TBC1D9: variants seen among roughly 807,000 people sequenced by gnomAD.
TBC1D9 encodes TBC1 domain family member 9A.
In TBC1D9, 63 loss-of-function variants were observed where a neutral mutation model predicts 132.0. The observed-to-expected ratio is 0.48, with a 90% CI of 0.39 to 0.59. TBC1D9 has a LOEUF of 0.59. Among genes scored for constraint, TBC1D9 ranks in the 20% least tolerant of loss-of-function variants. TBC1D9 has a pLI of 0.00. For synonymous variants in TBC1D9, 610 were observed against 609.9 expected (o/e 1.00, Z 0.00); for missense variants, 1,261 against 1,592.7 (o/e 0.79, Z 3.54).
In TBC1D9 at chr4:140,659,617, A is replaced by G. The variant is rs2110999012; in HGVS notation, c.1892T>C (p.Leu631Pro). 1 of 1,603,334 alleles carries G rather than the reference A, an allele frequency of 6.2e-7. No individual in the cohort carries two copies. Among genetic ancestry groups the G allele is most frequent in the Non-Finnish European group, 8.5e-7 (1 of 1,174,996 alleles). Reference protein sequence around the residue: ...WLLVALCERMLPDYYNTRVVG... With the variant: ...WLLVALCERMPPDYYNTRVVG... ...AACTCTGGTGTTGTAGTAATCTGGG[A>G]GCATGCGCTCACACAAAGCCACAAG... Residue 631 changes from leucine (L) to proline (P), a missense_variant, in exon 11 of 21, where the codon CTC becomes CCC. This residue lies in a region of TBC1D9 where 93 missense variants were observed against 169.2 expected (regional missense o/e 0.55). Transcript: ENST00000442267.
intron 9 of TBC1D9, among the ~76,000 whole-genome samples, 175 bp from the exon 10 acceptor site, chr4:140,662,282 C>CTG (rs772260936): frequency 5.3e-5 from 8 of 152,164 alleles, no homozygotes; most frequent in Non-Finnish European, 8.8e-5. Flanking sequence ...GTGAATTTGC[C>CTG]TGTGGCCTCC....
At chr4:140,721,882 C>T (rs945646667) in intron 1 of TBC1D9, among the ~76,000 whole-genome samples, 1 of 152,120 alleles carries the variant, frequency 6.6e-6, no homozygotes, top group Non-Finnish European at 1.5e-5. Flanking sequence ...GCATGTAGTC[C>T]TTCTACCTGC....
chr4:140,680,761 C>G (rs904998725), intron 3 of TBC1D9, among the ~76,000 whole-genome samples: 3 of 152,004 alleles, frequency 2.0e-5, no homozygotes, highest in Non-Finnish European at 2.9e-5. Context: ...TCTCTGTAGC[C>G]CAAGGATAGA....
chr4:140,697,361 G>A (rs573147201), intron 2 of TBC1D9, among the ~76,000 whole-genome samples: 3 of 152,152 alleles, frequency 2.0e-5, no homozygotes, highest in South Asian at 2.1e-4. Flanking sequence ...CAGCCTAGGC[G>A]ACAGAGTAAG....
chr4:140,668,419 T>A (rs2111007565), intron 9 of TBC1D9, among the ~76,000 whole-genome samples: 1 of 152,304 alleles, frequency 6.6e-6, no homozygotes, highest in South Asian at 2.1e-4. Flanking sequence ...TCTGGCCTCA[T>A]CTTTATGGTT....
At chr4:140,645,320 C>A in intron 13 of TBC1D9, 1 of 505,374 alleles carries the variant, frequency 2.0e-6, no homozygotes, top group East Asian at 5.6e-5. Flanking sequence ...CAGCCCAGGC[C>A]CCAGCCAGCC....
At chr4:140,642,863 C>A (rs928633203) in intron 13 of TBC1D9, 2 of 574,200 alleles carry the variant, frequency 3.5e-6, no homozygotes, top group African/African-American at 1.9e-5. Context: ...TCTGTTTCCA[C>A]GGCCTGCGTG....
At chr4:140,627,994 C>T (rs977239225) in intron 17 of TBC1D9, among the ~76,000 whole-genome samples, 5 of 152,304 alleles carry the variant, frequency 3.3e-5, no homozygotes, top group East Asian at 3.9e-4. Flanking sequence ...AATGTTCCTA[C>T]GCTCCTTTTC....
chr4:140,664,416 A>T (rs927928228), intron 9 of TBC1D9, among the ~76,000 whole-genome samples: 4 of 152,226 alleles, frequency 2.6e-5, no homozygotes, highest in Admixed American at 6.5e-5. Flanking sequence ...AAAACTCCCA[A>T]ACTGATCTAC....
In TBC1D9 at chr4:140,622,798, G is replaced by A. The variant is rs368197536; in HGVS notation, c.3198C>T (p.Val1066=). 9 of 1,601,820 alleles carry A rather than the reference G, an allele frequency of 5.6e-6. No individual in the cohort carries two copies. The African/African-American group carries it at 1.1e-4, about 19-fold the overall frequency. Residue 1066 remains valine (V), a synonymous_variant, in exon 21 of 21, where the codon GTC becomes GTT. Transcript: ENST00000442267. The part of the protein sequence containing the change: ...VTSLLLEIGE[V]GKLFVAQPAK... ...CAGGCTGGGCCACGAACAACTTGCC[G>A]ACCTCCCCAATCTCCAGCAGGAGGC...
intron 2 of TBC1D9, among the ~76,000 whole-genome samples, chr4:140,687,343 CATATATATATAT>C (rs200090051): frequency 0.035 from 1,331 of 37,566 alleles, 21 homozygotes; most frequent in African/African-American, 0.049. Flanking sequence ...GTGTGTGTGT[CATATATATATAT>C]ATATATATAT....
At chr4:140,659,218 C>CT (rs946264664) in intron 11 of TBC1D9, among the ~76,000 whole-genome samples, 5 of 152,186 alleles carry the variant, frequency 3.3e-5, no homozygotes, top group East Asian at 1.9e-4. Context: ...CCCAGATAGC[C>CT]TTTTTTTGGC....
intron 1 of TBC1D9, among the ~76,000 whole-genome samples, chr4:140,718,663 A>C (rs1450974067): frequency 6.6e-6 from 1 of 152,202 alleles, no homozygotes; most frequent in Non-Finnish European, 1.5e-5. Flanking sequence ...ATTTAACTTA[A>C]ATCCGAAAGA....
At chr4:140,687,394 AT>A (rs1737806144) in intron 2 of TBC1D9, among the ~76,000 whole-genome samples, 1 of 110,766 alleles carries the variant, frequency 9.0e-6, no homozygotes, top group African/African-American at 3.4e-5. Context: ...ATATATATAT[AT>A]AAACATATAG....
Position 140,707,713 on chromosome 4 carries a change from C to G in TBC1D9, c.131-6099G>C, listed in dbSNP as rs547350415. Reference sequence around the variant, plus strand: ...ATAACTTTTACACTTCTTTAATGAGCCTTGTTTGTCTGCTTGTTACTTTTT... The same window carrying G: ...ATAACTTTTACACTTCTTTAATGAGGCTTGTTTGTCTGCTTGTTACTTTTT... On this transcript the variant is annotated intron_variant, in intron 1 of 20. Transcript: ENST00000442267. Among the ~76,000 whole-genome samples the G allele has an allele frequency of 2.0e-5, 3 of 152,260 alleles. No homozygotes were observed. The East Asian group carries it at 5.8e-4, about 29-fold the overall frequency.
chr4:140,660,213 G>A (rs201964154), intron 10 of TBC1D9, among the ~76,000 whole-genome samples: 35 of 152,258 alleles, frequency 2.3e-4, no homozygotes, highest in South Asian at 4.1e-4. Flanking sequence ...ATTTCCATAC[G>A]GAGAGAGATG....
intron 9 of TBC1D9, among the ~76,000 whole-genome samples, chr4:140,663,407 G>A (rs1258651627): frequency 6.6e-6 from 1 of 152,170 alleles, no homozygotes; most frequent in Non-Finnish European, 1.5e-5. Flanking sequence ...GTGTCAGCAA[G>A]GATGTGGAGA....
chr4:140,737,370 T>C (rs997663148), intron 1 of TBC1D9, among the ~76,000 whole-genome samples: 3 of 151,858 alleles, frequency 2.0e-5, no homozygotes, highest in Admixed American at 1.3e-4. Context: ...CTGTTCCCTC[T>C]CTCCCTCCAT....
At chr4:140,631,641 G>T (rs1173595375) in intron 16 of TBC1D9, among the ~76,000 whole-genome samples, 5 of 150,844 alleles carry the variant, frequency 3.3e-5, no homozygotes, top group Non-Finnish European at 7.4e-5. Context: ...CTGTCGTCCA[G>T]GCTGGAGTGC....
Sources: allele counts gnomAD v4.1 joint callset (sites outside exome capture counted in the v4.1 genomes callset), GRCh38; gene constraint gnomAD v4.1.1; regional missense constraint gnomAD v4.1.1; transcripts MANE v1.5; gene names NCBI Gene and HGNC (gene_info 2026-07-23, HGNC 2026-07-21).